The following EPG5 variants were observed in gnomAD, a reference collection of about 807,000 sequenced individuals.
EPG5 encodes the protein ectopic P-granules 5 autophagy tethering factor, also known as ectopic P granules protein 5 homolog.
Under a neutral mutation model 302.7 loss-of-function variants are expected in EPG5, and 159 were observed. That is an observed-to-expected ratio of 0.53 (90% confidence interval 0.46 to 0.60). The LOEUF (loss-of-function observed/expected upper bound fraction) is 0.60, where lower values mean the gene tolerates loss of function less well. EPG5 is among the 20% of genes least tolerant of loss of function. The pLI is 0.00. For synonymous variants in EPG5, 1,158 were observed against 1,136.8 expected (o/e 1.02, Z -0.37); for missense variants, 2,896 against 3,092.4 (o/e 0.94, Z 1.51).
chr18:45,870,735 C>G lies in EPG5; in HGVS notation c.6057G>C (p.Leu2019=). The change falls in exon 36 of 44, where the codon CTG becomes CTC. Residue 2019 remains leucine, a synonymous_variant. Transcript: ENST00000282041. ...DSLHESFKDK[L]LPGDAGALWL... is the part of the protein sequence containing the mutation. ...AAAGGGCTCCTGCATCACCTGGCAA[C>G]AGCTTATCTAGAATGTGAAAAGAAA... The G allele has an allele frequency of 6.3e-7, 1 of 1,592,040 alleles. No individual in the cohort carries two copies. The highest frequency in any genetic ancestry group is 1.1e-5 in the South Asian group (1 of 89,512).
intron 4 of EPG5, among the ~76,000 whole-genome samples, chr18:45,950,333 C>T (rs2050878490): frequency 6.6e-6 from 1 of 152,110 alleles, no homozygotes; most frequent in African/African-American, 2.4e-5. Context: ...TCTTCTTCTC[C>T]ATTGTGGGAG....
intron 43 of EPG5, among the ~76,000 whole-genome samples, chr18:45,854,919 T>C (rs1335168473): frequency 6.6e-6 from 1 of 152,198 alleles, no homozygotes; most frequent in African/African-American, 2.4e-5. Flanking sequence ...GAGTTAAAGC[T>C]TTAACTCACT....
intron 1 of EPG5, among the ~76,000 whole-genome samples, chr18:45,963,786 A>G (rs1350308254): frequency 3.3e-5 from 5 of 152,200 alleles, no homozygotes; most frequent in Non-Finnish European, 5.9e-5. Context: ...GGTTTTGAGG[A>G]GAGTAACATG....
At position 45,870,578 on chromosome 18, in the gene EPG5, C is replaced by T. The variant is rs2048848746; in HGVS notation, c.6214G>A (p.Ala2072Thr). ...DLHPDQMLME[A>T]FFKVERGSPK... ...AATGAAGGGCTTACTTTGAAGAAGG[C>T]CTCCATGAGCATCTGGTCAGGGTGC... Residue 2072 changes from alanine to threonine, a missense_variant, in exon 36 of 44, where the codon GCC becomes ACC. By Grantham distance (58) the Ala-to-Thr change is moderately conservative (BLOSUM62 0). Transcript: ENST00000282041. 1 of 1,612,706 alleles carries T rather than the reference C, an allele frequency of 6.2e-7. No individual in the cohort carries two copies. Among genetic ancestry groups the T allele is most frequent in the African/African-American group, 1.3e-5 (1 of 74,978 alleles).
chr18:45,929,079 A>G lies in EPG5; in HGVS notation c.2413-70T>C, dbSNP rs73953914. 148,163 of 1,455,070 alleles carry G rather than the reference A, an allele frequency of 0.1. 12,741 individuals carry two copies. Among genetic ancestry groups the G allele is most frequent in the Admixed American group, 0.33 (16,731 of 50,046 alleles). The allele number at this position is 1,455,070 out of a possible 1,614,324, so 90.1% of individuals were successfully genotyped here. The stretch of plus-strand genomic sequence containing the variant: ...TTAGCAGTCAAAACACACTTATATC[A>G]TTTTTTCAAGCAAAGCAGAAAGAAT... On this transcript the variant is annotated intron_variant, in intron 12 of 43. Coordinates refer to ENST00000282041, the MANE Select transcript of EPG5 (RefSeq NM_020964.3).
At chr18:45,929,078 C>T in intron 12 of EPG5, 69 bp from the exon 13 acceptor site, 3 of 1,453,456 alleles carry the variant, frequency 2.1e-6, no homozygotes, top group East Asian at 2.3e-5. Flanking sequence ...ACACTTATAT[C>T]ATTTTTTCAA....
At chr18:45,841,875 C>T in the EPG5 span, among the ~76,000 whole-genome samples, 3 of 152,244 alleles carry the variant, frequency 2.0e-5, no homozygotes, top group South Asian at 6.2e-4. Context: ...AGTCTTGAGG[C>T]CTCAGACAGA....
rs893600091 is a variant in EPG5, at chr18:45,852,383, G to A, written c.*84C>T. 2.3e-6 allele frequency: 3 copies of A among 1,293,334 alleles called. No homozygotes were observed. In the African/African-American group the frequency reaches 4.4e-5, roughly 19 times the overall value. 80.1% of individuals were successfully genotyped at this position (1,293,334 alleles called of 1,614,324 possible). A position where few individuals can be genotyped will look rare whatever the true frequency, so the allele number is the denominator to read the frequency against. On this transcript the variant is annotated 3_prime_UTR_variant, in exon 44 of 44. Transcript: ENST00000282041. Reference sequence around the variant, plus strand: ...CATTGGCCAAACTGAGCTCTACAGTGCAATTGAGCAAAGTTACTTGTGCAA... The same window carrying A: ...CATTGGCCAAACTGAGCTCTACAGTACAATTGAGCAAAGTTACTTGTGCAA...
intron 35 of EPG5, 92 bp downstream of exon 35, chr18:45,876,144 A>T (rs984922746): frequency 7.3e-6 from 6 of 819,782 alleles, no homozygotes; most frequent in Non-Finnish European, 1.2e-5. Flanking sequence ...CTGCCTATTA[A>T]ATAAAAATTA....
At chr18:45,936,800 TA>T (rs1252638722) in intron 10 of EPG5, among the ~76,000 whole-genome samples, 1 of 143,010 alleles carries the variant, frequency 7.0e-6, no homozygotes, top group Non-Finnish European at 1.5e-5. Flanking sequence ...AAAAAAAACT[TA>T]AAAAAATACG....
the EPG5 span, among the ~76,000 whole-genome samples, chr18:45,834,879 C>G: frequency 6.6e-6 from 1 of 152,298 alleles, no homozygotes; most frequent in East Asian, 1.9e-4. Flanking sequence ...AGCAGGGAAA[C>G]TAAGGCTGGG....
chr18:45,953,335 T>A (rs2050953720), intron 2 of EPG5: 1 of 985,348 alleles, frequency 1.0e-6, no homozygotes, highest in Middle Eastern at 5.2e-4. Context: ...TCTACCCTCA[T>A]CATTCTTCAT....
chr18:45,818,428 G>C, the EPG5 span, among the ~76,000 whole-genome samples: 1 of 152,000 alleles, frequency 6.6e-6, no homozygotes, highest in Non-Finnish European at 1.5e-5. Flanking sequence ...GAGATGACTG[G>C]TTGATACATT....
chr18:45,821,103 A>G, the EPG5 span, among the ~76,000 whole-genome samples: 1 of 152,226 alleles, frequency 6.6e-6, no homozygotes, highest in African/African-American at 2.4e-5. Flanking sequence ...GGATAGACTC[A>G]CGGATGTGAA....
At chr18:45,816,797 C>CA in the EPG5 span, among the ~76,000 whole-genome samples, 1 of 152,076 alleles carries the variant, frequency 6.6e-6, no homozygotes. Context: ...AGTCATTATA[C>CA]AAAAAAGATA....
At chr18:45,822,021 C>T in the EPG5 span, among the ~76,000 whole-genome samples, 1 of 152,298 alleles carries the variant, frequency 6.6e-6, no homozygotes, top group South Asian at 2.1e-4. Context: ...AATAGAACTA[C>T]TATATGATTC....
At position 45,880,198 on chromosome 18, in the gene EPG5, G is replaced by C. The variant is rs578073131; in HGVS notation, c.5544C>G (p.Pro1848=). 6 of 1,606,144 alleles carry C rather than the reference G, an allele frequency of 3.7e-6. No individual in the cohort carries two copies. Among genetic ancestry groups the C allele is most frequent in the Admixed American group, 1.7e-5 (1 of 59,276 alleles). Residue 1848 remains proline (P), a synonymous_variant, in exon 32 of 44, where the codon CCC becomes CCG. Transcript: ENST00000282041. ...MQSSAEQLLS[P]ECWKATLRAL... ...CTCTCAGAGTGGCCTTCCAACACTC[G>C]GGGCTCAGAAGCTGCTCCGCGGAGC...
At chr18:45,843,581 C>CA (rs1381656295), downstream of EPG5, 4 of 152,174 alleles carry the variant, frequency 2.6e-5, no homozygotes, top group African/African-American at 4.8e-5. Flanking sequence ...ACAGTTTCCT[C>CA]AAAAAACTAA....
rs2050699388 is a variant in EPG5, at chr18:45,942,751, C to A, written c.1943+410G>T. On this transcript the variant is annotated intron_variant, in intron 9 of 43. Transcript: ENST00000282041. ...ATACGTATATGCTATAAGAAATGAT[C>A]CAGTAAAGACAATTAAAATTAATAA... Among the ~76,000 whole-genome samples the A allele has an allele frequency of 3.3e-5, 5 of 152,028 alleles. No homozygotes were observed. The South Asian group carries it at 1.0e-3, about 32-fold the overall frequency.
Sources: gnomAD v4.1 joint callset for allele counts (sites outside exome capture counted in the v4.1 genomes callset) on GRCh38, gnomAD v4.1.1 for gene constraint, MANE v1.5 for transcripts, NCBI Gene and HGNC (gene_info 2026-07-23, HGNC 2026-07-21) for gene names.